The following ADAMTS19 variants were observed in gnomAD, a reference collection of about 807,000 sequenced individuals.
ADAMTS19 encodes ADAM metallopeptidase with thrombospondin type 1 motif 19.
Under a neutral mutation model 153.3 loss-of-function variants are expected in ADAMTS19, and 93 were observed. The observed-to-expected ratio is 0.61, with a 90% CI of 0.51 to 0.72. The LOEUF (loss-of-function observed/expected upper bound fraction) is 0.72, where lower values mean the gene tolerates loss of function less well. Among genes scored for constraint, ADAMTS19 ranks in the 30% least tolerant of loss-of-function variants. The probability of loss-of-function intolerance (pLI) is 0.00; values close to 1 mark genes in which losing one functional copy is unlikely to be tolerated. For synonymous variants in ADAMTS19, 600 were observed against 556.6 expected, an observed-to-expected ratio of 1.08 and a Z score of -1.10; for missense variants, 1,482 against 1,552.1, an observed-to-expected ratio of 0.95 and a Z score of 0.76.
At chr5:129,463,626 C>G (rs1026419960) in intron 2 of ADAMTS19, among the ~76,000 whole-genome samples, 5 of 152,294 alleles carry the variant, frequency 3.3e-5, no homozygotes, top group African/African-American at 1.2e-4. Context: ...ACTCTAGACT[C>G]TAACATGCCA....
intron 16 of ADAMTS19, among the ~76,000 whole-genome samples, chr5:129,679,271 A>G (rs1030743977): frequency 8.5e-5 from 13 of 152,206 alleles, no homozygotes; most frequent in African/African-American, 2.9e-4. Context: ...GAATTGTTTT[A>G]TAATGCATAT....
At position 129,631,227 on chromosome 5, in the gene ADAMTS19, T is replaced by C. The variant is rs182967453; in HGVS notation, c.1770+8879T>C. The stretch of plus-strand genomic sequence containing the variant: ...TTATATGATCCAAACTTTCCACTCC[T>C]AGATCCAAAAATATACTCTGCATGA... On this transcript the variant is annotated intron_variant, in intron 10 of 22. Transcript: ENST00000274487. Among the ~76,000 whole-genome samples the C allele has an allele frequency of 8.4e-4, 126 of 149,280 alleles. 1 individual carries two copies. Among genetic ancestry groups the C allele is most frequent in the African/African-American group, 2.9e-3 (118 of 40,838 alleles).
chr5:129,501,532 T>A (rs1249038634), intron 2 of ADAMTS19, among the ~76,000 whole-genome samples: 4 of 152,140 alleles, frequency 2.6e-5, no homozygotes, highest in Non-Finnish European at 4.4e-5. Flanking sequence ...TTTTTAAAGA[T>A]GAGGATTTTT....
intron 2 of ADAMTS19, among the ~76,000 whole-genome samples, chr5:129,498,479 C>A (rs943205691): frequency 1.3e-5 from 2 of 151,842 alleles, no homozygotes; most frequent in African/African-American, 4.8e-5. Flanking sequence ...AGTATTATAG[C>A]TATATTACTT....
At chr5:129,560,284 C>A (rs1223024034) in intron 7 of ADAMTS19, among the ~76,000 whole-genome samples, 2 of 152,166 alleles carry the variant, frequency 1.3e-5, no homozygotes, top group African/African-American at 2.4e-5. Flanking sequence ...GACAAGTTTT[C>A]ATGCTATAAC....
intron 3 of ADAMTS19, among the ~76,000 whole-genome samples, chr5:129,517,236 G>A (rs1203761193): frequency 6.6e-6 from 1 of 151,908 alleles, no homozygotes; most frequent in Non-Finnish European, 1.5e-5. Context: ...TCCACATGCT[G>A]AGGAAAAGAA....
chr5:129,470,280 T>C (rs1412631058), intron 2 of ADAMTS19, among the ~76,000 whole-genome samples: 2 of 152,232 alleles, frequency 1.3e-5, no homozygotes, highest in Non-Finnish European at 2.9e-5. Flanking sequence ...ATTGAATGTT[T>C]CCACTTATTT....
At chr5:129,678,429 G>A (rs1754649433) in intron 16 of ADAMTS19, among the ~76,000 whole-genome samples, 1 of 152,046 alleles carries the variant, frequency 6.6e-6, no homozygotes, top group South Asian at 2.1e-4. Flanking sequence ...TTTAATGTCT[G>A]GCTCTGCAGT....
intron 4 of ADAMTS19, among the ~76,000 whole-genome samples, chr5:129,527,104 A>G (rs1752038339): frequency 6.6e-6 from 1 of 151,868 alleles, no homozygotes; most frequent in Non-Finnish European, 1.5e-5. Flanking sequence ...TTCTGATTGT[A>G]GAAATCCTAG....
intron 4 of ADAMTS19, 103 bp from the exon 5 acceptor site, chr5:129,527,645 A>AT: frequency 2.7e-6 from 1 of 364,830 alleles, no homozygotes; most frequent in Non-Finnish European, 5.1e-6. Flanking sequence ...AAAAAAAAAA[A>AT]AGATGTCTCA....
In ADAMTS19 at chr5:129,684,175, C is replaced by T; in HGVS notation, c.2720C>T (p.Ser907Leu). 5 of 1,614,152 alleles carry T rather than the reference C, an allele frequency of 3.1e-6. No homozygotes were observed. Among genetic ancestry groups the T allele is most frequent in the Non-Finnish European group, 4.2e-6 (5 of 1,180,022 alleles). The change falls in exon 18 of 23, where the codon TCA becomes TTA. Residue 907 changes from serine (S) to leucine (L), a missense_variant. Transcript: ENST00000274487. Reference protein sequence around the residue: ...YGLHYEYTIPSDPLPENQSSK... With the variant: ...YGLHYEYTIPLDPLPENQSSK... The stretch of plus-strand genomic sequence containing the variant: ...CTTCACTATGAATACACTATCCCAT[C>T]AGACCCTCTTCCAGAAAACCAGAGC...
intron 14 of ADAMTS19, among the ~76,000 whole-genome samples, chr5:129,655,078 G>A (rs1269707031): frequency 6.6e-6 from 1 of 152,162 alleles, no homozygotes; most frequent in Non-Finnish European, 1.5e-5. Flanking sequence ...ACTGTCTCAA[G>A]TTGACATTCC....
At chr5:129,509,977 A>G (rs910911044) in intron 3 of ADAMTS19, among the ~76,000 whole-genome samples, 5 of 151,970 alleles carry the variant, frequency 3.3e-5, no homozygotes, top group African/African-American at 9.7e-5. Context: ...GTCATAGCTA[A>G]TATTCAGAAA....
chr5:129,710,747 T>C (rs927951019), intron 21 of ADAMTS19, among the ~76,000 whole-genome samples: 3 of 152,190 alleles, frequency 2.0e-5, no homozygotes, highest in South Asian at 2.1e-4. Context: ...ATAGAGGACA[T>C]TTCTTTCCAC....
At chr5:129,618,252 T>G (rs1286620636) in intron 8 of ADAMTS19, among the ~76,000 whole-genome samples, 1 of 152,056 alleles carries the variant, frequency 6.6e-6, no homozygotes, top group Non-Finnish European at 1.5e-5. Context: ...AACATTTATC[T>G]TCCTATTTTC....
chr5:129,464,330 G>C (rs1749785649), intron 2 of ADAMTS19, among the ~76,000 whole-genome samples: 1 of 152,160 alleles, frequency 6.6e-6, no homozygotes, highest in Non-Finnish European at 1.5e-5. Context: ...TAATTCTAAT[G>C]TGAGGAATTA....
At chr5:129,592,801 T>C (rs746343997) in intron 7 of ADAMTS19, among the ~76,000 whole-genome samples, 1 of 152,200 alleles carries the variant, frequency 6.6e-6, no homozygotes, top group Non-Finnish European at 1.5e-5. Flanking sequence ...TTCATAGACA[T>C]GATTATCATG....
At chr5:129,563,939 A>G (rs1397487285) in intron 7 of ADAMTS19, among the ~76,000 whole-genome samples, 1 of 150,116 alleles carries the variant, frequency 6.7e-6, no homozygotes, top group Non-Finnish European at 1.5e-5. Flanking sequence ...TTTTTTTTTG[A>G]CACGTAGTAT....
At chr5:129,522,468 T>C (rs540211641) in intron 3 of ADAMTS19, among the ~76,000 whole-genome samples, 55 of 150,512 alleles carry the variant, frequency 3.7e-4, no homozygotes, top group African/African-American at 1.3e-3. Context: ...GTATTGTTTT[T>C]GTCATCTTGC....
Sources: allele counts gnomAD v4.1 joint callset (sites outside exome capture counted in the v4.1 genomes callset), GRCh38; gene constraint gnomAD v4.1.1; transcripts MANE v1.5; gene names NCBI Gene and HGNC (gene_info 2026-07-23, HGNC 2026-07-21).